KCNN2: variants seen among roughly 807,000 people sequenced by gnomAD.
KCNN2 encodes potassium calcium-activated channel subfamily N member 2.
A neutral mutation model predicts 55.5 loss-of-function variants in KCNN2; 24 were observed. The observed-to-expected ratio is 0.43, with a 90% CI of 0.31 to 0.61. The LOEUF is 0.61. Ranked by LOEUF, KCNN2 falls within the 20% of genes least tolerant of loss-of-function variation. The pLI is 0.08. For synonymous variants in KCNN2, 431 were observed against 336.1 expected (o/e 1.28, Z -3.09); for missense variants, 754 against 853.6 (o/e 0.88, Z 1.45).
intron 1 of KCNN2, among the ~76,000 whole-genome samples, chr5:114,142,352 C>A (rs1056192512): frequency 6.6e-6 from 1 of 152,042 alleles, no homozygotes; most frequent in Non-Finnish European, 1.5e-5. Context: ...CTACATATGG[C>A]TAGCCAGTTT....
In KCNN2 at chr5:114,460,584, T is replaced by G. The variant is rs571852979; in HGVS notation, c.1638-2465T>G. Among the ~76,000 whole-genome samples, 476 of 152,238 alleles carry G rather than the reference T, an allele frequency of 3.1e-3. 5 individuals carry two copies. Among genetic ancestry groups the G allele is most frequent in the African/African-American group, 0.011 (458 of 41,544 alleles). ...TAATAATAGTGTTCTGGTCACTCAC[T>G]GTGGCAGTGAAAAAACAACTTGAAG... On this transcript the variant is annotated intron_variant, in intron 3 of 7. Coordinates refer to ENST00000673685, the MANE Select transcript of KCNN2 (RefSeq NM_021614.4).
At chr5:114,297,355 T>G (rs1454348457) in intron 2 of KCNN2, among the ~76,000 whole-genome samples, 1 of 151,992 alleles carries the variant, frequency 6.6e-6, no homozygotes, top group African/African-American at 2.4e-5. Flanking sequence ...AATTTATTAA[T>G]TATAAAATAT....
intron 2 of KCNN2, among the ~76,000 whole-genome samples, chr5:114,288,671 G>C (rs1307933634): frequency 6.6e-6 from 1 of 151,898 alleles, no homozygotes; most frequent in Non-Finnish European, 1.5e-5. Flanking sequence ...TATTTTCTTT[G>C]GAGAAATGTC....
intron 1 of KCNN2, among the ~76,000 whole-genome samples, chr5:114,202,601 T>TC (rs1554074538): frequency 6.4e-5 from 9 of 141,096 alleles, no homozygotes; most frequent in African/African-American, 2.2e-4. Flanking sequence ...TTTTTTTTTT[T>TC]CCCGAGACAG....
chr5:114,219,226 A>G (rs922431824), intron 1 of KCNN2, among the ~76,000 whole-genome samples: 5 of 152,048 alleles, frequency 3.3e-5, no homozygotes, highest in African/African-American at 1.2e-4. Flanking sequence ...GCTGACTTAA[A>G]TGTTAAAAGC....
intron 1 of KCNN2, among the ~76,000 whole-genome samples, chr5:114,101,987 T>C (rs1200735371): frequency 6.6e-6 from 1 of 152,180 alleles, no homozygotes; most frequent in Non-Finnish European, 1.5e-5. Context: ...TTTCGAGTTC[T>C]AGACCTTGAG....
At chr5:114,452,098 G>A (rs1056319475) in intron 3 of KCNN2, among the ~76,000 whole-genome samples, 1 of 152,158 alleles carries the variant, frequency 6.6e-6, no homozygotes, top group African/African-American at 2.4e-5. Flanking sequence ...AAATAGGAGT[G>A]CAAGGAGGGG....
At chr5:114,342,543 T>C (rs1410899862) in intron 2 of KCNN2, among the ~76,000 whole-genome samples, 1 of 152,214 alleles carries the variant, frequency 6.6e-6, no homozygotes, top group Non-Finnish European at 1.5e-5. Context: ...ATTTGTGATC[T>C]GAAAGTAGGC....
At chr5:114,435,329 T>C (rs1419400122) in intron 3 of KCNN2, among the ~76,000 whole-genome samples, 6 of 152,148 alleles carry the variant, frequency 3.9e-5, no homozygotes, top group Non-Finnish European at 7.4e-5. Context: ...GTTTTGAGGG[T>C]GGTGGTTTGT....
intron 3 of KCNN2, among the ~76,000 whole-genome samples, chr5:114,406,113 A>C (rs1758925342): frequency 6.6e-6 from 1 of 151,726 alleles, no homozygotes; most frequent in South Asian, 2.1e-4. Context: ...AAAAAAAAAA[A>C]AAAAGGGTAG....
chr5:114,232,640 T>C (rs1227124589), intron 2 of KCNN2, among the ~76,000 whole-genome samples: 11 of 151,174 alleles, frequency 7.3e-5, no homozygotes, highest in Admixed American at 7.2e-4. Flanking sequence ...GATCTCTTTT[T>C]TTAAACTTTT....
chr5:114,141,710 T>A (rs981530854), intron 1 of KCNN2, among the ~76,000 whole-genome samples: 2 of 152,204 alleles, frequency 1.3e-5, no homozygotes, highest in African/African-American at 4.8e-5. Context: ...CGCCACACTG[T>A]CTTCCACAAT....
chr5:114,131,252 C>T (rs1057378473), intron 1 of KCNN2, among the ~76,000 whole-genome samples: 3 of 152,140 alleles, frequency 2.0e-5, no homozygotes, highest in Non-Finnish European at 4.4e-5. Flanking sequence ...GCCCTGCAAG[C>T]ATTAGCTGGT....
intron 2 of KCNN2, among the ~76,000 whole-genome samples, chr5:114,386,631 TTAAAAA>T (rs1462806161): frequency 5.0e-4 from 76 of 152,292 alleles, no homozygotes; most frequent in African/African-American, 1.8e-3. Context: ...AATACAGAAT[TTAAAAA>T]TTCCCACCAT....
intron 1 of KCNN2, among the ~76,000 whole-genome samples, chr5:114,090,754 G>A (rs1007266264): frequency 6.6e-6 from 1 of 152,008 alleles, no homozygotes; most frequent in Non-Finnish European, 1.5e-5. Flanking sequence ...AGATATTGTA[G>A]CAATCTTCTG....
chr5:114,316,766 G>A (rs947867045), intron 2 of KCNN2, among the ~76,000 whole-genome samples: 29 of 152,018 alleles, frequency 1.9e-4, no homozygotes, highest in Admixed American at 1.6e-3. Context: ...TTTAAAACAC[G>A]CTCTAATGCA....
chr5:114,346,615 G>T (rs1757107321), intron 2 of KCNN2, among the ~76,000 whole-genome samples: 1 of 152,058 alleles, frequency 6.6e-6, no homozygotes, highest in Admixed American at 6.6e-5. Context: ...TATACACAGA[G>T]ATAGACATAG....
chr5:114,213,541 T>A (rs1317470452), intron 1 of KCNN2, among the ~76,000 whole-genome samples: 1 of 152,084 alleles, frequency 6.6e-6, no homozygotes, highest in Non-Finnish European at 1.5e-5. Context: ...GTCTTTATGT[T>A]ACCCTCACAT....
intron 2 of KCNN2, among the ~76,000 whole-genome samples, chr5:114,401,127 G>A (rs1758776094): frequency 6.6e-6 from 1 of 151,664 alleles, no homozygotes; most frequent in African/African-American, 2.4e-5. Flanking sequence ...GAATAAACAA[G>A]CAACATTGAG....
Sources: allele counts gnomAD v4.1 joint callset (sites outside exome capture counted in the v4.1 genomes callset), GRCh38; gene constraint gnomAD v4.1.1; transcripts MANE v1.5; gene names NCBI Gene and HGNC (gene_info 2026-07-23, HGNC 2026-07-21).